The following OCA2 variants were observed in gnomAD, a reference collection of about 807,000 sequenced individuals.
The protein encoded by OCA2 is P protein.
A neutral mutation model predicts 100.2 loss-of-function variants in OCA2; 77 were observed. The ratio of observed to expected loss-of-function variants is 0.77; its 90% CI spans 0.64 to 0.93. The LOEUF is 0.93. OCA2 is among the 40% of genes least tolerant of loss of function. The pLI, the probability that OCA2 is intolerant of heterozygous loss-of-function variation, is 0.00. For missense variants in OCA2, 1,062 were observed against 1,089.1 expected, an observed-to-expected ratio of 0.98 and a Z score of 0.35; for synonymous variants, 432 against 439.2, an observed-to-expected ratio of 0.98 and a Z score of 0.21.
In OCA2 at chr15:27,995,671, T is replaced by C. The variant is rs142520967; in HGVS notation, c.1045-5024A>G. On this transcript the variant is annotated intron_variant, in intron 9 of 23. Coordinates refer to ENST00000354638, the MANE Select transcript of OCA2 (RefSeq NM_000275.3). The stretch of plus-strand genomic sequence containing the variant: ...TCCTAAAGCACTAAGATTATAAGCA[T>C]GAGCCACCATGCTTGAACTTAACAA... 5.1e-3 allele frequency among the ~76,000 whole-genome samples: 778 copies of C among 152,170 alleles called. 14 individuals carry two copies. Among genetic ancestry groups the C allele is most frequent in the African/African-American group, 0.018 (730 of 41,532 alleles).
chr15:27,951,699 CAA>C, intron 18 of OCA2, 83 bp downstream of exon 18: 1 of 1,026,542 alleles, frequency 9.7e-7, no homozygotes. Flanking sequence ...TGCCTGTGGG[CAA>C]AGTCAGTGTC....
chr15:27,998,540 C>G (rs1216829822), intron 9 of OCA2, among the ~76,000 whole-genome samples: 2 of 149,828 alleles, frequency 1.3e-5, no homozygotes, highest in Non-Finnish European at 3.0e-5. Flanking sequence ...ATTAAAAAGT[C>G]AAGAAACAAC....
intron 2 of OCA2, among the ~76,000 whole-genome samples, chr15:28,064,108 A>G (rs1367992766): frequency 6.6e-6 from 1 of 152,140 alleles, no homozygotes; most frequent in Non-Finnish European, 1.5e-5. Flanking sequence ...AACATTTTAT[A>G]TATGTCATCC....
At chr15:27,998,747 C>T (rs1359361200) in intron 9 of OCA2, among the ~76,000 whole-genome samples, 2 of 146,582 alleles carry the variant, frequency 1.4e-5, no homozygotes, top group Non-Finnish European at 3.0e-5. Flanking sequence ...GACACATGCA[C>T]ATGTATGTTT....
chr15:27,755,436 A>T lies in OCA2; in HGVS notation c.2469T>A (p.Val823=). The T allele has an allele frequency of 6.2e-7, 1 of 1,614,028 alleles. No individual in the cohort carries two copies. Among genetic ancestry groups the T allele is most frequent in the Non-Finnish European group, 8.5e-7 (1 of 1,179,886 alleles). Residue 823 remains valine, a synonymous_variant, in exon 24 of 24, where the codon GTT becomes GTA. Coordinates refer to ENST00000354638, the MANE Select transcript of OCA2 (RefSeq NM_000275.3). ...GAGCCACAAGGAGATAACACATCCC[A>T]ACAGTGCAGGACACAACCATCATTG... is the stretch of plus-strand genomic sequence containing the variant. ...GFPMMVVSCT[V]GMCYLLVAHV...
chr15:27,933,143 C>T (rs1487815905), intron 18 of OCA2, among the ~76,000 whole-genome samples: 1 of 152,076 alleles, frequency 6.6e-6, no homozygotes, highest in Non-Finnish European at 1.5e-5. Flanking sequence ...TAAAGTTGGA[C>T]CCTTATCTTA....
intron 18 of OCA2, among the ~76,000 whole-genome samples, chr15:27,943,173 A>C (rs564777908): frequency 6.6e-6 from 1 of 152,286 alleles, no homozygotes; most frequent in African/African-American, 2.4e-5. Context: ...CCTCTCAGCC[A>C]AGGACATTTC....
At chr15:27,885,761 T>TGAGCATTGA (rs61493057) in intron 19 of OCA2, among the ~76,000 whole-genome samples, 8 of 151,582 alleles carry the variant, frequency 5.3e-5, no homozygotes, top group African/African-American at 1.9e-4. Context: ...ATTTGTTTGA[T>TGAGCATTGA]GTGCTTACTA....
intron 2 of OCA2, among the ~76,000 whole-genome samples, chr15:28,059,955 T>C (rs2043820327): frequency 6.6e-6 from 1 of 152,184 alleles, no homozygotes; most frequent in African/African-American, 2.4e-5. Flanking sequence ...AATCAGGATT[T>C]CTCCCCACCC....
intron 23 of OCA2, among the ~76,000 whole-genome samples, chr15:27,778,033 T>G (rs1002300735): frequency 6.6e-6 from 1 of 152,232 alleles, no homozygotes; most frequent in Non-Finnish European, 1.5e-5. Flanking sequence ...GGCCTTTTAG[T>G]GTAGAATACC....
the OCA2 span, among the ~76,000 whole-genome samples, chr15:27,740,393 C>G: frequency 6.6e-6 from 1 of 152,110 alleles, no homozygotes; most frequent in South Asian, 2.1e-4. Flanking sequence ...CCGGGAGCCA[C>G]AGGCTGCAGC....
At chr15:27,981,937 A>G (rs1014252324) in intron 14 of OCA2, among the ~76,000 whole-genome samples, 1 of 152,192 alleles carries the variant, frequency 6.6e-6, no homozygotes, top group African/African-American at 2.4e-5. Flanking sequence ...CTCTTGAGGT[A>G]GTGAGCTGGA....
Position 27,926,321 on chromosome 15 carries a change from C to T in OCA2, c.1952-67G>A. 4 of 1,567,472 alleles carry T rather than the reference C, an allele frequency of 2.6e-6. No homozygotes were observed. The South Asian group carries it at 3.3e-5, about 13-fold the overall frequency. ...TAACACACCGATTCATTTCTTTAAC[C>T]TCTGGTTGCCTTTTTCTTTATCAAG... On this transcript the variant is annotated intron_variant, in intron 18 of 23. Coordinates refer to ENST00000354638, the MANE Select transcript of OCA2 (RefSeq NM_000275.3).
At chr15:28,093,909 G>C (rs2044918294) in intron 1 of OCA2, among the ~76,000 whole-genome samples, 1 of 152,314 alleles carries the variant, frequency 6.6e-6, no homozygotes, top group Non-Finnish European at 1.5e-5. Flanking sequence ...ATGGGGAACA[G>C]GTTAGTGGTT....
rs1025061509 is a variant in OCA2 at position 28,020,761 on chromosome 15, C to T, written c.646+1740G>A. Among the ~76,000 whole-genome samples, 5 of 152,318 alleles carry T rather than the reference C, an allele frequency of 3.3e-5. No individual in the cohort carries two copies. The East Asian group carries it at 5.8e-4, about 18-fold the overall frequency. ...ACACGCACTCAGCTGACATCAGCACCGCCCTGACCCCAGTGGAAGTGGAGT... is the reference window on the plus strand; with the variant it reads ...ACACGCACTCAGCTGACATCAGCACTGCCCTGACCCCAGTGGAAGTGGAGT... On this transcript the variant is annotated intron_variant, in intron 6 of 23. Transcript: ENST00000354638.
the OCA2 span, among the ~76,000 whole-genome samples, chr15:27,729,728 T>C: frequency 6.6e-6 from 1 of 152,334 alleles, no homozygotes; most frequent in African/African-American, 2.4e-5. Context: ...ATGGTTGTTA[T>C]TAAATTGTGG....
At position 28,081,861 on chromosome 15, in the gene OCA2, C is replaced by A; in HGVS notation, c.14G>T (p.Gly5Val). 1 of 1,610,786 alleles carries A rather than the reference C, an allele frequency of 6.2e-7. No homozygotes were observed. Among genetic ancestry groups the A allele is most frequent in the South Asian group, 1.1e-5 (1 of 90,926 alleles). Residue 5 changes from glycine to valine, a missense_variant, in exon 2 of 24, where the codon GGC becomes GTC. Gly to Val is a moderately radical substitution (Grantham distance 109). Transcript: ENST00000354638. The part of the protein sequence containing the change: MHLE[G>V]RDGRRYPGAP... Reference sequence around the variant, plus strand: ...GCCGGGGTACCGCCTGCCGTCTCTGCCCTCCAGATGCATGCTCCACTGCCA... The same window carrying A: ...GCCGGGGTACCGCCTGCCGTCTCTGACCTCCAGATGCATGCTCCACTGCCA...
the OCA2 span, among the ~76,000 whole-genome samples, chr15:27,743,812 G>GCAGCCTCCTTCAC: frequency 8.6e-4 from 131 of 152,252 alleles, no homozygotes; most frequent in Non-Finnish European, 1.4e-3. Flanking sequence ...TTGGCTTTCG[G>GCAGCCTCCTTCAC]CAGCCTCCTT....
At chr15:27,852,684 G>A (rs1291757691) in intron 21 of OCA2, among the ~76,000 whole-genome samples, 2 of 151,018 alleles carry the variant, frequency 1.3e-5, no homozygotes, top group Admixed American at 1.3e-4. Context: ...CTGACAAAGG[G>A]CTAATATCCA....
Sources: allele counts gnomAD v4.1 joint callset (sites outside exome capture counted in the v4.1 genomes callset), GRCh38; gene constraint gnomAD v4.1.1; transcripts MANE v1.5; gene names NCBI Gene and HGNC (gene_info 2026-07-23, HGNC 2026-07-21).